The following CEBPZOS variants were observed in gnomAD, a reference collection of about 807,000 sequenced individuals.
CEBPZOS encodes the protein CEBPZ opposite strand, also known as protein CEBPZOS.
A neutral mutation model predicts 4.8 loss-of-function variants in CEBPZOS; 10 were observed. That is an observed-to-expected ratio of 2.07 (90% CI 1.28 to 3.52). The LOEUF (loss-of-function observed/expected upper bound fraction) is 3.52, where lower values mean the gene tolerates loss of function less well. Ranked by LOEUF, CEBPZOS falls within the 30% of genes most tolerant of loss-of-function variation. The pLI is 0.00. For missense variants in CEBPZOS, 98 were observed against 43.6 expected, an observed-to-expected ratio of 2.25 and a Z score of -3.51; for synonymous variants, 25 against 14.2, an observed-to-expected ratio of 1.77 and a Z score of -1.72.
At chr2:37,199,870 A>G in intron 2 of CEBPZOS, 51 bp downstream of exon 2, 1 of 693,312 alleles carries the variant, frequency 1.4e-6, no homozygotes, top group Non-Finnish European at 2.7e-6. Flanking sequence ...AGTTTTGCTA[A>G]TCCATTTTAT....
At chr2:37,213,845 A>G (rs777751038), downstream of CEBPZOS, 7 of 1,522,088 alleles carry the variant, frequency 4.6e-6, no homozygotes, top group Non-Finnish European at 6.3e-6. Context: ...TTTTACAAAG[A>G]GTCAACAAAA....
intron 1 of CEBPZOS, chr2:37,198,510 G>C (rs1677057996): frequency 1.3e-5 from 2 of 152,210 alleles, no homozygotes; most frequent in Non-Finnish European, 1.5e-5. Context: ...AAAAGGGGTC[G>C]GAAGTGAATG....
At chr2:37,198,302 T>C (rs888856797) in intron 1 of CEBPZOS, among the ~76,000 whole-genome samples, 4 of 152,220 alleles carry the variant, frequency 2.6e-5, no homozygotes, top group Non-Finnish European at 5.9e-5. Context: ...CTTAGTTATA[T>C]ATGAATTACT....
downstream of CEBPZOS, chr2:37,204,846 GAAAC>G (rs1346761078): frequency 6.6e-6 from 1 of 152,128 alleles, no homozygotes; most frequent in Admixed American, 6.5e-5. Context: ...AATGTCTTCT[GAAAC>G]AGTACTTTAC....
At chr2:37,212,002 T>G (rs571907843) in intron 4 of CEBPZOS, 2 of 1,603,832 alleles carry the variant, frequency 1.2e-6, no homozygotes, top group South Asian at 2.3e-5. Context: ...TCATCTAATG[T>G]GTTATCCTTA....
intron 1 of CEBPZOS, among the ~76,000 whole-genome samples, chr2:37,197,661 CG>C (rs2148314318): frequency 6.6e-6 from 1 of 152,162 alleles, no homozygotes; most frequent in African/African-American, 2.4e-5. Flanking sequence ...CACTTGAGGT[CG>C]GAAGTTAGCC....
At chr2:37,211,516 T>C (rs1176100670) in intron 4 of CEBPZOS, 5 of 263,806 alleles carry the variant, frequency 1.9e-5, no homozygotes, top group Admixed American at 1.5e-4. Context: ...TGCTGGGCTA[T>C]GATGAATACT....
At position 37,202,288 on chromosome 2, in the gene CEBPZOS, C is replaced by G. The variant is rs1271409429; in HGVS notation, c.*428C>G. On this transcript the variant is annotated 3_prime_UTR_variant, in exon 5 of 5. Coordinates refer to ENST00000402297, the MANE Select transcript of CEBPZOS (RefSeq NM_001322374.2). ...TAAATACTTGTTAATCTTACATGTT[C>G]TCCTGAGAGAAGAAAAAGCCATTCC... The G allele has an allele frequency of 6.4e-6, 1 of 155,122 alleles. No individual in the cohort carries two copies. Among genetic ancestry groups the G allele is most frequent in the African/African-American group, 2.5e-5 (1 of 39,724 alleles). 9.6% of individuals were successfully genotyped at this position (155,122 alleles called of 1,614,324 possible).
chr2:37,208,862 G>A (rs181234362), downstream of CEBPZOS: 26 of 152,114 alleles, frequency 1.7e-4, no homozygotes, highest in African/African-American at 6.0e-4. Flanking sequence ...ACTATTCACC[G>A]ATGATATGAT....
intron 2 of CEBPZOS, 58 bp downstream of exon 2, chr2:37,199,877 T>C (rs1169650545): frequency 1.5e-6 from 1 of 685,644 alleles, no homozygotes; most frequent in Non-Finnish European, 2.7e-6. Flanking sequence ...CTAATCCATT[T>C]TATGTGTTAA....
At chr2:37,214,365 A>C (rs1677816951), downstream of CEBPZOS, among the ~76,000 whole-genome samples, 3 of 152,154 alleles carry the variant, frequency 2.0e-5, no homozygotes, top group South Asian at 6.2e-4. Flanking sequence ...TTATGATACT[A>C]GTTGGTTTAG....
At chr2:37,214,915 T>C, downstream of CEBPZOS, 1 of 1,611,238 alleles carries the variant, frequency 6.2e-7, no homozygotes, top group Non-Finnish European at 8.5e-7. Flanking sequence ...CCACTGGTAT[T>C]TGGCTTTCTT....
Position 37,203,112 on chromosome 2 carries a change from C to T in CEBPZOS, c.*1252C>T. 1.4e-6 allele frequency: 1 copy of T among 704,948 alleles called. No homozygotes were observed. Among genetic ancestry groups the T allele is most frequent in the East Asian group, 3.0e-5 (1 of 33,164 alleles). 43.7% of individuals were successfully genotyped at this position (704,948 alleles called of 1,614,324 possible). On this transcript the variant is annotated 3_prime_UTR_variant, in exon 5 of 5. Transcript: ENST00000402297. ...TTTAAAAATTATACTTGGGTAAAAA[C>T]AATTGCAATAATCTTCTGGCACCAT...
chr2:37,209,729 G>C (rs1464699075), downstream of CEBPZOS: 3 of 152,254 alleles, frequency 2.0e-5, no homozygotes, highest in East Asian at 3.9e-4. Flanking sequence ...ATTGGCTTAA[G>C]TAGAGTTCAT....
At position 37,204,344 on chromosome 2, in the gene CEBPZOS, C is replaced by G. The variant is rs1278778303; in HGVS notation, c.*2484C>G. On this transcript the variant is annotated 3_prime_UTR_variant, in exon 5 of 5. Coordinates refer to ENST00000402297, the MANE Select transcript of CEBPZOS (RefSeq NM_001322374.2). ...CCAGGCTGGAGTACAGGGGCGTGAT[C>G]TCGGCTCACTGCAACCTCTGCCTTC... 3 of 139,608 alleles carry G rather than the reference C, an allele frequency of 2.1e-5. No homozygotes were observed. The highest frequency in any genetic ancestry group is 4.6e-5 in the Non-Finnish European group (3 of 65,758). 8.6% of individuals were successfully genotyped at this position (139,608 alleles called of 1,614,324 possible).
intron 4 of CEBPZOS, among the ~76,000 whole-genome samples, chr2:37,213,247 T>C (rs1310769481): frequency 6.6e-6 from 1 of 152,196 alleles, no homozygotes; most frequent in Non-Finnish European, 1.5e-5. Flanking sequence ...TATAATAGAT[T>C]ATGAATAGTA....
At chr2:37,213,850 A>G (rs1335533953), downstream of CEBPZOS, 6 of 1,563,982 alleles carry the variant, frequency 3.8e-6, no homozygotes, top group Non-Finnish European at 4.4e-6. Context: ...CAAAGAGTCA[A>G]CAAAACAAAT....
At chr2:37,206,352 T>C (rs1295389865), downstream of CEBPZOS, among the ~76,000 whole-genome samples, 1 of 152,234 alleles carries the variant, frequency 6.6e-6, no homozygotes, top group African/African-American at 2.4e-5. Flanking sequence ...GAGTTCTAAA[T>C]CTTTGTTTTT....
chr2:37,200,834 G>T (rs1163921431), intron 2 of CEBPZOS, among the ~76,000 whole-genome samples: 1 of 152,152 alleles, frequency 6.6e-6, no homozygotes, highest in Non-Finnish European at 1.5e-5. Context: ...TTGTGACTGT[G>T]CCACTGTACT....
Sources: gnomAD v4.1 joint callset for allele counts (sites outside exome capture counted in the v4.1 genomes callset) on GRCh38, gnomAD v4.1.1 for gene constraint, MANE v1.5 for transcripts, NCBI Gene and HGNC (gene_info 2026-07-23, HGNC 2026-07-21) for gene names.